The following CABLES1 variants were observed in gnomAD, a reference collection of about 807,000 sequenced individuals.
The protein encoded by CABLES1 is Cdk5 and Abl enzyme substrate 1.
In CABLES1, 36 loss-of-function variants were observed where a neutral mutation model predicts 57.8. The observed-to-expected ratio is 0.62, with a 90% CI of 0.48 to 0.82. CABLES1 has a LOEUF of 0.82. CABLES1 is among the 40% of genes least tolerant of loss of function. The probability of loss-of-function intolerance (pLI) is 0.00; values close to 1 mark genes in which losing one functional copy is unlikely to be tolerated. For synonymous variants in CABLES1, 374 were observed against 363.0 expected, an observed-to-expected ratio of 1.03 and a Z score of -0.35; for missense variants, 767 against 836.6, an observed-to-expected ratio of 0.92 and a Z score of 1.03.
intron 1 of CABLES1, among the ~76,000 whole-genome samples, chr18:23,157,661 ATAT>A (rs988049683): frequency 1.1e-4 from 10 of 92,104 alleles, no homozygotes; most frequent in South Asian, 4.6e-4. Context: ...TTAAAAAGAA[ATAT>A]TATTATCTCT....
At chr18:23,145,911 G>T (rs1348380015) in intron 1 of CABLES1, among the ~76,000 whole-genome samples, 1 of 152,176 alleles carries the variant, frequency 6.6e-6, no homozygotes, top group Non-Finnish European at 1.5e-5. Flanking sequence ...CAAATACCAG[G>T]GGCTTATGAC....
intron 3 of CABLES1, among the ~76,000 whole-genome samples, chr18:23,207,797 C>G (rs2047375023): frequency 6.6e-6 from 1 of 152,108 alleles, no homozygotes; most frequent in South Asian, 2.1e-4. Flanking sequence ...GGTGGGGAGG[C>G]CTGCCTGCAG....
intron 1 of CABLES1, among the ~76,000 whole-genome samples, chr18:23,145,368 C>T (rs1449605637): frequency 1.3e-5 from 2 of 152,176 alleles, no homozygotes; most frequent in Admixed American, 1.3e-4. Context: ...GCTGGGATTA[C>T]AGGTGTGAGC....
intron 3 of CABLES1, among the ~76,000 whole-genome samples, chr18:23,208,159 G>A (rs935571387): frequency 6.6e-6 from 1 of 152,110 alleles, no homozygotes; most frequent in South Asian, 2.1e-4. Context: ...TCTCTTCCCA[G>A]CTCCGGCCCT....
intron 4 of CABLES1, among the ~76,000 whole-genome samples, chr18:23,222,538 C>A (rs576689350): frequency 0.043 from 6,302 of 148,262 alleles, 543 homozygotes; most frequent in Admixed American, 0.21. Context: ...CTCTGTCTCT[C>A]TCTCTATATA....
rs143983588 is a variant in CABLES1, at chr18:23,211,669, G to A, written c.1011-2308G>A. Among the ~76,000 whole-genome samples the A allele has an allele frequency of 1.4e-4, 22 of 152,374 alleles. No homozygotes were observed. In the East Asian group the frequency reaches 3.9e-3, roughly 27 times the overall value. On this transcript the variant is annotated intron_variant, in intron 3 of 9. Coordinates refer to ENST00000256925, the MANE Select transcript of CABLES1 (RefSeq NM_001100619.3). Reference sequence around the variant, plus strand: ...TAGTAAGGTTTAGGGAAGAGCATTCGTAGTGGTAAAGAGCTCAAGTTCCAA... The same window carrying A: ...TAGTAAGGTTTAGGGAAGAGCATTCATAGTGGTAAAGAGCTCAAGTTCCAA...
At chr18:23,183,478 A>G (rs1184642664) in intron 1 of CABLES1, among the ~76,000 whole-genome samples, 1 of 152,202 alleles carries the variant, frequency 6.6e-6, no homozygotes, top group Admixed American at 6.5e-5. Context: ...TTAGCATTCC[A>G]AGGATATTGT....
At chr18:23,230,840 GGTT>G (rs2047562309) in intron 4 of CABLES1, among the ~76,000 whole-genome samples, 1 of 152,172 alleles carries the variant, frequency 6.6e-6, no homozygotes, top group Non-Finnish European at 1.5e-5. Flanking sequence ...AACACATGCT[GGTT>G]GTTGTTCCTT....
chr18:23,168,327 CT>C (rs1381647032), intron 1 of CABLES1, among the ~76,000 whole-genome samples: 1 of 152,206 alleles, frequency 6.6e-6, no homozygotes, highest in Non-Finnish European at 1.5e-5. Flanking sequence ...GCAGATGAAC[CT>C]TGGAAACCTG....
intron 8 of CABLES1, 35 bp downstream of exon 8, chr18:23,253,101 T>G: frequency 8.5e-7 from 1 of 1,174,512 alleles, no homozygotes. Flanking sequence ...GACCTTTCCC[T>G]GCAAACCCCT....
At chr18:23,243,455 G>A (rs1202431682) in intron 7 of CABLES1, among the ~76,000 whole-genome samples, 1 of 149,850 alleles carries the variant, frequency 6.7e-6, no homozygotes, top group African/African-American at 2.5e-5. Flanking sequence ...GTTGTTTTGG[G>A]TGTGGGTTTG....
intron 2 of CABLES1, among the ~76,000 whole-genome samples, chr18:23,193,645 C>T (rs1193434247): frequency 6.6e-6 from 1 of 152,122 alleles, no homozygotes; most frequent in Non-Finnish European, 1.5e-5. Context: ...AACTGAGACT[C>T]TTGTTTGTTG....
intron 7 of CABLES1, among the ~76,000 whole-genome samples, chr18:23,246,922 A>G (rs943769370): frequency 6.6e-6 from 1 of 152,158 alleles, no homozygotes; most frequent in Non-Finnish European, 1.5e-5. Context: ...CGAACTCCTG[A>G]CCTCAAGTGA....
At chr18:23,211,717 G>T (rs1321976219) in intron 3 of CABLES1, among the ~76,000 whole-genome samples, 1 of 152,252 alleles carries the variant, frequency 6.6e-6, no homozygotes, top group African/African-American at 2.4e-5. Flanking sequence ...CCCACCTGCT[G>T]GTGCATCTCC....
At chr18:23,224,777 G>GC (rs962791596) in intron 4 of CABLES1, among the ~76,000 whole-genome samples, 5 of 152,034 alleles carry the variant, frequency 3.3e-5, no homozygotes, top group African/African-American at 1.2e-4. Context: ...CACCATGCTA[G>GC]CCAGGATGGT....
At chr18:23,207,243 C>G (rs540837340) in intron 3 of CABLES1, among the ~76,000 whole-genome samples, 3 of 152,254 alleles carry the variant, frequency 2.0e-5, no homozygotes, top group African/African-American at 7.2e-5. Context: ...GCCTGCCAGC[C>G]CGAGTTTTGC....
intron 1 of CABLES1, among the ~76,000 whole-genome samples, chr18:23,179,819 T>C (rs1431956267): frequency 6.6e-6 from 1 of 152,246 alleles, no homozygotes; most frequent in African/African-American, 2.4e-5. Flanking sequence ...GCTTTAAGGG[T>C]CTGTGTATCT....
At chr18:23,185,916 C>T (rs891935063) in intron 1 of CABLES1, among the ~76,000 whole-genome samples, 1 of 152,142 alleles carries the variant, frequency 6.6e-6, no homozygotes, top group African/African-American at 2.4e-5. Context: ...CAGAGATAAA[C>T]AGTAAATCTT....
intron 5 of CABLES1, 63 bp from the exon 6 acceptor site, chr18:23,235,832 C>T: frequency 6.6e-7 from 1 of 1,506,078 alleles, no homozygotes; most frequent in Non-Finnish European, 9.2e-7. Flanking sequence ...GTAGCTTGAT[C>T]AGAATGCAGA....
Sources: allele counts gnomAD v4.1 joint callset (sites outside exome capture counted in the v4.1 genomes callset), GRCh38; gene constraint gnomAD v4.1.1; transcripts MANE v1.5; gene names NCBI Gene and HGNC (gene_info 2026-07-23, HGNC 2026-07-21).